C4orf54: variants seen among roughly 807,000 people sequenced by gnomAD.
The protein encoded by C4orf54 is chromosome 4 open reading frame 54.
A neutral mutation model predicts 80.1 loss-of-function variants in C4orf54; 67 were observed. The ratio of observed to expected loss-of-function variants is 0.84; its 90% CI spans 0.69 to 1.03. The LOEUF is 1.03. Among genes scored for constraint, C4orf54 ranks in the 50% least tolerant of loss-of-function variants. The pLI, the probability that C4orf54 is intolerant of heterozygous loss-of-function variation, is 0.00. For missense variants in C4orf54, 2,434 were observed against 2,253.5 expected (o/e 1.08, Z -1.62); for synonymous variants, 1,000 against 917.0 (o/e 1.09, Z -1.64).
intron 2 of C4orf54, among the ~76,000 whole-genome samples, chr4:99,641,693 T>C (rs188490269): frequency 6.6e-6 from 1 of 152,282 alleles, no homozygotes; most frequent in East Asian, 1.9e-4. Context: ...AAATAAGATG[T>C]ACTGGTTAGA....
intron 1 of C4orf54, among the ~76,000 whole-genome samples, chr4:99,657,218 G>T (rs72908758): frequency 0.042 from 6,459 of 152,306 alleles, 201 homozygotes; most frequent in Middle Eastern, 0.11. Context: ...CAGAGTTTCT[G>T]CCCATCAAGT....
chr4:99,655,653 G>A (rs538563784), intron 1 of C4orf54, among the ~76,000 whole-genome samples: 2 of 152,300 alleles, frequency 1.3e-5, no homozygotes, highest in East Asian at 3.9e-4. Context: ...TTTGGTAGTT[G>A]TGCAAGCAAA....
rs192390123 is a variant in C4orf54, at chr4:99,656,455, T to G, written c.-32+1040A>C. On this transcript the variant is annotated intron_variant, in intron 1 of 2. Transcript: ENST00000511828. ...CCACCACGCCCAGCTAATTTTTGTG[T>G]TTTTAGTAGAGATGGGGTTTCACCA... is the stretch of plus-strand genomic sequence containing the variant. Among the ~76,000 whole-genome samples the G allele has an allele frequency of 5.2e-3, 790 of 152,160 alleles. 2 individuals carry two copies. Among genetic ancestry groups the G allele is most frequent in the Non-Finnish European group, 7.0e-3 (475 of 68,006 alleles).
chr4:99,643,138 G>A (rs1330565489), intron 2 of C4orf54, among the ~76,000 whole-genome samples: 3 of 152,142 alleles, frequency 2.0e-5, no homozygotes, highest in Non-Finnish European at 4.4e-5. Flanking sequence ...AAGATAAGGG[G>A]ATTCTGAGGC....
At chr4:99,645,410 T>TAAAAAAAAAAAAAAAAAAAAAAAAAAAA (rs70958324) in intron 2 of C4orf54, among the ~76,000 whole-genome samples, 1 of 55,922 alleles carries the variant, frequency 1.8e-5, no homozygotes, top group Non-Finnish European at 3.3e-5. Context: ...AGGCTTACAG[T>TAAAAAAAAAAAAAAAAAAAAAAAAAAAA]AAAAAAAAAA....
At position 99,653,874 on chromosome 4, in the gene C4orf54, C is replaced by T; in HGVS notation, c.775G>A (p.Ala259Thr). 6.5e-7 allele frequency: 1 copy of T among 1,536,292 alleles called. No homozygotes were observed. Among genetic ancestry groups the T allele is most frequent in the South Asian group, 1.2e-5 (1 of 84,058 alleles). ...GAGAAATTGCCACCCTCTTCAGAGG[C>T]AGAGTGCTGGGATCTAGAGAGTTGG... is the stretch of plus-strand genomic sequence containing the variant. ...SSQLSRSQHSASEEGGNFSSS... is the reference protein window; with the variant it reads ...SSQLSRSQHSTSEEGGNFSSS... Residue 259 changes from alanine (A) to threonine (T), a missense_variant, in exon 2 of 3, where the codon GCC (alanine) becomes ACC (threonine). Transcript: ENST00000511828.
rs1726807992 is a variant in C4orf54, at chr4:99,650,898, G to A, written c.3751C>T (p.Arg1251Trp). The A allele has an allele frequency of 2.0e-6, 3 of 1,536,118 alleles. No individual in the cohort carries two copies. The highest frequency in any genetic ancestry group is 1.2e-5 in the South Asian group (1 of 84,016). The change falls in exon 2 of 3, where the codon CGG (arginine) becomes TGG (tryptophan). Residue 1251 changes from arginine (R) to tryptophan (W), a missense_variant. Coordinates refer to ENST00000511828, the MANE Select transcript of C4orf54 (RefSeq NM_001354435.2). ...KEEGKATKPARNALEKLTAAV... is the reference protein window; with the variant it reads ...KEEGKATKPAWNALEKLTAAV... ...GCAGTCAGCTTCTCCAGGGCATTCC[G>A]GGCTGGCTTCGTGGCTTTCCCTTCC...
intron 1 of C4orf54, among the ~76,000 whole-genome samples, chr4:99,655,514 C>G (rs966523368): frequency 6.6e-6 from 1 of 152,220 alleles, no homozygotes; most frequent in African/African-American, 2.4e-5. Context: ...AACAAATACA[C>G]TTACCCTTCA....
rs146524863 is a variant in C4orf54, at chr4:99,640,691, T to C, written c.*542A>G. On this transcript the variant is annotated 3_prime_UTR_variant, in exon 3 of 3. Coordinates refer to ENST00000511828, the MANE Select transcript of C4orf54 (RefSeq NM_001354435.2). ...GCATAACCAAGAGAATGGGTAGGTT[T>C]GGCTGATATATGATTCAAAGAGCAG... is the stretch of plus-strand genomic sequence containing the variant. 5.3e-3 allele frequency: 800 copies of C among 152,332 alleles called. 8 individuals are homozygous for C. The highest frequency in any genetic ancestry group is 0.018 in the African/African-American group (763 of 41,574). 9.4% of individuals were successfully genotyped at this position (152,332 alleles called of 1,614,324 possible). A position where few individuals can be genotyped will look rare whatever the true frequency, so the allele number is the denominator to read the frequency against.
rs1451759698 is a variant in C4orf54, at chr4:99,652,854, C to T, written c.1795G>A (p.Ala599Thr). 1 of 1,536,126 alleles carries T rather than the reference C, an allele frequency of 6.5e-7. No individual in the cohort carries two copies. The highest frequency in any genetic ancestry group is 2.4e-5 in the East Asian group (1 of 40,898). The change falls in exon 2 of 3, where the codon GCG (alanine) becomes ACG (threonine). Residue 599 changes from alanine to threonine, a missense_variant. By Grantham distance (58) the Ala-to-Thr change is moderately conservative. Coordinates refer to ENST00000511828, the MANE Select transcript of C4orf54 (RefSeq NM_001354435.2). ...RLQTRCGAIRAKELVDYSSGA... is the reference protein window; with the variant it reads ...RLQTRCGAIRTKELVDYSSGA... ...CTGGAGTAGTCCACCAGCTCCTTCG[C>T]CCGGATGGCCCCGCACCTGGTTTGC...
At position 99,652,747 on chromosome 4, in the gene C4orf54, C is replaced by T. The variant is rs1726871199; in HGVS notation, c.1902G>A (p.Leu634=). 1 of 1,536,138 alleles carries T rather than the reference C, an allele frequency of 6.5e-7. No individual in the cohort carries two copies. Among genetic ancestry groups the T allele is most frequent in the South Asian group, 1.2e-5 (1 of 84,070 alleles). The change falls in exon 2 of 3, where the codon CTG becomes CTA. Residue 634 remains leucine, a synonymous_variant. Coordinates refer to ENST00000511828, the MANE Select transcript of C4orf54 (RefSeq NM_001354435.2). ...TCAGAGCCTCAAAGTAGGGGTAAGC[C>T]AGGCTCCGGAAGGCCCGGGAGGTCA... ...RNLTSRAFRS[L]AYPYFEALNI... is the part of the protein sequence containing the mutation.
At position 99,652,808 on chromosome 4, in the gene C4orf54, C is replaced by T. The variant is rs1022953317; in HGVS notation, c.1841G>A (p.Ser614Asn). 1.3e-6 allele frequency: 2 copies of T among 1,536,012 alleles called. No individual in the cohort carries two copies. Among genetic ancestry groups the T allele is most frequent in the African/African-American group, 2.7e-5 (2 of 73,044 alleles). The change falls in exon 2 of 3, where the codon AGC becomes AAC. Residue 614 changes from serine to asparagine, a missense_variant. Physicochemically the swap from Ser to Asn is conservative, Grantham distance 46 (BLOSUM62 1). Coordinates refer to ENST00000511828, the MANE Select transcript of C4orf54 (RefSeq NM_001354435.2). The stretch of plus-strand genomic sequence containing the variant: ...CTCTTTGTCCGCATCGTCCAGTTCG[C>T]TCACGGCACTGGAGGCTCCGCTGGA... The part of the protein sequence containing the change: ...DYSSGASSAV[S>N]ELDDADKEVR...
rs1553930040 is a variant in C4orf54, at chr4:99,647,466, A to AT, written c.*36+1764dup. On this transcript the variant is annotated intron_variant, in intron 2 of 2. Coordinates refer to ENST00000511828, the MANE Select transcript of C4orf54 (RefSeq NM_001354435.2). ...TGAGTCTCCTACCCATGCATATTGA[A>AT]TTTTTTTTTAATTTTCTACACTAAA... Among the ~76,000 whole-genome samples, 41 of 150,234 alleles carry AT rather than the reference A, an allele frequency of 2.7e-4. No homozygotes were observed. In the East Asian group the frequency reaches 6.6e-3, roughly 24 times the overall value.
intron 2 of C4orf54, among the ~76,000 whole-genome samples, chr4:99,642,134 G>A (rs1297799494): frequency 6.6e-6 from 1 of 152,116 alleles, no homozygotes; most frequent in Non-Finnish European, 1.5e-5. Context: ...ACTTTATATT[G>A]AGGAATGACC....
rs1221254859 is a variant in C4orf54, at chr4:99,649,472, G to A, written c.5177C>T (p.Pro1726Leu). 6.5e-7 allele frequency: 1 copy of A among 1,536,184 alleles called. No homozygotes were observed. Among genetic ancestry groups the A allele is most frequent in the South Asian group, 1.2e-5 (1 of 84,064 alleles). The change falls in exon 2 of 3, where the codon CCA (proline) becomes CTA (leucine). Residue 1726 changes from proline to leucine, a missense_variant. Coordinates refer to ENST00000511828, the MANE Select transcript of C4orf54 (RefSeq NM_001354435.2). ...KEAAATFTEAPYFMASGQSPA... is the reference protein window; with the variant it reads ...KEAAATFTEALYFMASGQSPA... Reference sequence around the variant, plus strand: ...AGACTGACCAGAAGCCATGAAGTATGGGGCCTCGGTGAACGTTGCAGCTGC... The same window carrying A: ...AGACTGACCAGAAGCCATGAAGTATAGGGCCTCGGTGAACGTTGCAGCTGC...
chr4:99,650,031 G>C lies in C4orf54; in HGVS notation c.4618C>G (p.Arg1540Gly). The C allele has an allele frequency of 7.8e-6, 12 of 1,535,360 alleles. No individual in the cohort carries two copies. The highest frequency in any genetic ancestry group is 1.0e-5 in the Non-Finnish European group (12 of 1,146,354). ...PAWRTKPDNP[R>G]ETVAAPPGPQ... ...CCTGGGGGGGCAGCTACTGTCTCCCGGGGGTTGTCAGGTTTGGTACGCCAA... is the reference window on the plus strand; with the variant it reads ...CCTGGGGGGGCAGCTACTGTCTCCCCGGGGTTGTCAGGTTTGGTACGCCAA... Residue 1540 changes from arginine to glycine, a missense_variant, in exon 2 of 3, where the codon CGG becomes GGG. By Grantham distance (125) the Arg-to-Gly change is moderately radical (BLOSUM62 -2). Transcript: ENST00000511828.
At chr4:99,654,865 T>C (rs532845847) in intron 1 of C4orf54, among the ~76,000 whole-genome samples, 186 bp from the exon 2 acceptor site, 1 of 152,342 alleles carries the variant, frequency 6.6e-6, no homozygotes, top group East Asian at 1.9e-4. Context: ...TAATCTATTA[T>C]AGCGATGTCT....
At position 99,652,938 on chromosome 4, in the gene C4orf54, G is replaced by C. The variant is rs1167124888; in HGVS notation, c.1711C>G (p.Pro571Ala). ...EHNSSSLKQN[P>A]AAAVAQDHAK... ...TGGTCCTGAGCCACTGCTGCAGCCG[G>C]GTTTTGCTTCAGCGAACTTGAATTG... Residue 571 changes from proline (P) to alanine (A), a missense_variant, in exon 2 of 3, where the codon CCG becomes GCG. Pro to Ala is a conservative substitution (Grantham distance 27, BLOSUM62 -1). Transcript: ENST00000511828. 3.1e-5 allele frequency: 48 copies of C among 1,536,056 alleles called. No homozygotes were observed. Among genetic ancestry groups the C allele is most frequent in the Non-Finnish European group, 4.0e-5 (46 of 1,146,934 alleles).
In C4orf54 at chr4:99,654,586, G is replaced by C; in HGVS notation, c.63C>G (p.Ala21=). Residue 21 remains alanine (A), a synonymous_variant, in exon 2 of 3, where the codon GCC becomes GCG. Coordinates refer to ENST00000511828, the MANE Select transcript of C4orf54 (RefSeq NM_001354435.2). ...AGCAGCGAGGAGTCTGAATGCCATC[G>C]GCCACGGAAGAAGCAGCATCTGTAG... ...GQPTDAASSV[A]DGIQTPRCCR... The C allele has an allele frequency of 1.4e-6, 1 of 702,770 alleles. No individual in the cohort carries two copies. The highest frequency in any genetic ancestry group is 2.6e-6 in the Non-Finnish European group (1 of 384,756). 43.5% of individuals were successfully genotyped at this position (702,770 alleles called of 1,614,324 possible). A position where few individuals can be genotyped will look rare whatever the true frequency, so the allele number is the denominator to read the frequency against.
Sources: allele counts gnomAD v4.1 joint callset (sites outside exome capture counted in the v4.1 genomes callset), GRCh38; gene constraint gnomAD v4.1.1; transcripts MANE v1.5; gene names NCBI Gene and HGNC (gene_info 2026-07-23, HGNC 2026-07-21).